CPLX4: variants seen among roughly 807,000 people sequenced by gnomAD.
The protein encoded by CPLX4 is complexin-4.
In CPLX4, 17 loss-of-function variants were observed where a neutral mutation model predicts 16.1. That is an observed-to-expected ratio of 1.06 (90% confidence interval 0.72 to 1.59). The LOEUF is 1.59. Among genes scored for constraint, CPLX4 ranks in the 40% most tolerant of loss-of-function variants. CPLX4 has a pLI of 0.00. For missense variants in CPLX4, 193 were observed against 192.9 expected (o/e 1.00, Z 0.00); for synonymous variants, 55 against 57.8 (o/e 0.95, Z 0.22).
chr18:59,296,695 C>A lies in CPLX4; in HGVS notation c.*3G>T. On this transcript the variant is annotated 3_prime_UTR_variant, in exon 3 of 3. Transcript: ENST00000299721. ...GGTTCCCTCCCTCCACCCCTCCCACCCCTCACATCACGGAACACTTCTGCT... is the reference window on the plus strand; with the variant it reads ...GGTTCCCTCCCTCCACCCCTCCCACACCTCACATCACGGAACACTTCTGCT... 1 of 1,610,452 alleles carries A rather than the reference C, an allele frequency of 6.2e-7. No individual in the cohort carries two copies. The highest frequency in any genetic ancestry group is 1.1e-5 in the South Asian group (1 of 90,600).
At chr18:59,307,268 T>C (rs921437491) in intron 2 of CPLX4, among the ~76,000 whole-genome samples, 18 of 152,204 alleles carry the variant, frequency 1.2e-4, no homozygotes, top group African/African-American at 4.3e-4. Context: ...ACATATGGTA[T>C]GTGCTTTTCC....
At position 59,296,768 on chromosome 18, in the gene CPLX4, A is replaced by G. The variant is rs1478871161; in HGVS notation, c.413T>C (p.Ile138Thr). ...QNLQNMDLDT[I>T]KEKAQATFTE... ...GAAGGTGGCCTGGGCTTTTTCTTTT[A>G]TGGTATCCAAGTCCATGTTCTGGAG... Residue 138 changes from isoleucine to threonine, a missense_variant, in exon 3 of 3, where the codon ATA becomes ACA. Physicochemically the swap from Ile to Thr is moderately conservative, Grantham distance 89. Transcript: ENST00000299721. 3.1e-6 allele frequency: 5 copies of G among 1,597,568 alleles called. No individual in the cohort carries two copies. Among genetic ancestry groups the G allele is most frequent in the Non-Finnish European group, 4.3e-6 (5 of 1,170,478 alleles).
chr18:59,296,414 C>T lies in CPLX4; in HGVS notation c.*284G>A. On this transcript the variant is annotated 3_prime_UTR_variant, in exon 3 of 3. Coordinates refer to ENST00000299721, the MANE Select transcript of CPLX4 (RefSeq NM_181654.4). ...TTGCTTTTGTTTCTTCCTGGCTCATCTCAAGGTCTTTAAGCAGATATGTGT... is the reference window on the plus strand; with the variant it reads ...TTGCTTTTGTTTCTTCCTGGCTCATTTCAAGGTCTTTAAGCAGATATGTGT... 1 of 423,598 alleles carries T rather than the reference C, an allele frequency of 2.4e-6. No homozygotes were observed. The allele number at this position is 423,598 out of a possible 1,614,324, so 26.2% of individuals were successfully genotyped here.
Position 59,296,524 on chromosome 18 carries a change from A to T in CPLX4, c.*174T>A. 1.5e-6 allele frequency: 1 copy of T among 678,260 alleles called. No individual in the cohort carries two copies. The highest frequency in any genetic ancestry group is 2.5e-6 in the Non-Finnish European group (1 of 396,898). The allele number at this position is 678,260 out of a possible 1,614,324, so 42.0% of individuals were successfully genotyped here. On this transcript the variant is annotated 3_prime_UTR_variant, in exon 3 of 3. Transcript: ENST00000299721. The stretch of plus-strand genomic sequence containing the variant: ...AGTAAGGTTCCCGCTGCAAGGTGTT[A>T]GCTAAATGCTCTGCCAGGAATATTT...
intron 2 of CPLX4, among the ~76,000 whole-genome samples, chr18:59,298,573 A>G (rs993164761): frequency 1.1e-4 from 16 of 152,168 alleles, no homozygotes; most frequent in African/African-American, 3.9e-4. Context: ...AACAGACTAC[A>G]TTGCTTTAAG....
At chr18:59,302,747 C>T (rs1476289930) in intron 2 of CPLX4, among the ~76,000 whole-genome samples, 1 of 152,200 alleles carries the variant, frequency 6.6e-6, no homozygotes, top group Non-Finnish European at 1.5e-5. Context: ...TCAAGACTTA[C>T]TACTTCTTGG....
At position 59,312,839 on chromosome 18, in the gene CPLX4, A is replaced by T; in HGVS notation, c.168-67T>A. 5 of 816,046 alleles carry T rather than the reference A, an allele frequency of 6.1e-6. No individual in the cohort carries two copies. The South Asian group carries it at 7.3e-5, about 12-fold the overall frequency. The allele number at this position is 816,046 out of a possible 1,614,324, so 50.6% of individuals were successfully genotyped here. ...TAAGGACATTCCTGCCCGTGCTCAG[A>T]GGAGCCAGACACAGGGTTACACCTT... On this transcript the variant is annotated intron_variant, in intron 1 of 2. Coordinates refer to ENST00000299721, the MANE Select transcript of CPLX4 (RefSeq NM_181654.4).
At chr18:59,314,827 T>G (rs1423944946) in intron 1 of CPLX4, among the ~76,000 whole-genome samples, 1 of 152,264 alleles carries the variant, frequency 6.6e-6, no homozygotes, top group Non-Finnish European at 1.5e-5. Context: ...TTGTTTTATG[T>G]ACTAGTAGCT....
chr18:59,302,159 CTAATGAACCACCCTGCTG>C (rs1456899756), intron 2 of CPLX4, among the ~76,000 whole-genome samples: 5 of 152,218 alleles, frequency 3.3e-5, no homozygotes, highest in African/African-American at 4.8e-5. Context: ...TCCTCTCTTC[CTAATGAACCACCCTGCTG>C]ACAGGACCTT....
At position 59,296,565 on chromosome 18, in the gene CPLX4, T is replaced by C; in HGVS notation, c.*133A>G. The stretch of plus-strand genomic sequence containing the variant: ...AGGAATATTTAGAACAACCAAATTA[T>C]TGTCTGTCAATGGATCATCGTGGTT... On this transcript the variant is annotated 3_prime_UTR_variant, in exon 3 of 3. Coordinates refer to ENST00000299721, the MANE Select transcript of CPLX4 (RefSeq NM_181654.4). 1 of 917,286 alleles carries C rather than the reference T, an allele frequency of 1.1e-6. No homozygotes were observed. The highest frequency in any genetic ancestry group is 2.6e-5 in the East Asian group (1 of 37,754). The allele number at this position is 917,286 out of a possible 1,614,324, so 56.8% of individuals were successfully genotyped here.
intron 2 of CPLX4, among the ~76,000 whole-genome samples, chr18:59,308,955 G>T (rs575460118): frequency 6.6e-6 from 1 of 152,258 alleles, no homozygotes; most frequent in East Asian, 1.9e-4. Context: ...GTTTGCAAGC[G>T]CAAAGTGTTG....
At chr18:59,302,504 G>A (rs925548360) in intron 2 of CPLX4, among the ~76,000 whole-genome samples, 5 of 152,320 alleles carry the variant, frequency 3.3e-5, no homozygotes, top group African/African-American at 7.2e-5. Flanking sequence ...TTCAGAGATC[G>A]TCTCATTTCT....
chr18:59,309,730 G>C (rs867980501), intron 2 of CPLX4, among the ~76,000 whole-genome samples: 1 of 150,272 alleles, frequency 6.7e-6, no homozygotes. Flanking sequence ...GACTGAGGCA[G>C]GAGAATGGGG....
intron 1 of CPLX4, among the ~76,000 whole-genome samples, chr18:59,315,186 T>C (rs971582663): frequency 6.6e-6 from 1 of 152,208 alleles, no homozygotes; most frequent in Non-Finnish European, 1.5e-5. Flanking sequence ...ATATTTAACA[T>C]TTTTTGTCTT....
Position 59,296,526 on chromosome 18 carries a change from C to A in CPLX4, c.*172G>T, listed in dbSNP as rs1204337048. On this transcript the variant is annotated 3_prime_UTR_variant, in exon 3 of 3. Coordinates refer to ENST00000299721, the MANE Select transcript of CPLX4 (RefSeq NM_181654.4). ...TAAGGTTCCCGCTGCAAGGTGTTAG[C>A]TAAATGCTCTGCCAGGAATATTTAG... is the stretch of plus-strand genomic sequence containing the variant. 8 of 692,046 alleles carry A rather than the reference C, an allele frequency of 1.2e-5. No individual in the cohort carries two copies. Among genetic ancestry groups the A allele is most frequent in the Admixed American group, 3.1e-5 (1 of 32,326 alleles). 42.9% of individuals were successfully genotyped at this position (692,046 alleles called of 1,614,324 possible).
chr18:59,303,670 A>T (rs930946370), intron 2 of CPLX4, among the ~76,000 whole-genome samples: 2 of 152,142 alleles, frequency 1.3e-5, no homozygotes, highest in African/African-American at 2.4e-5. Flanking sequence ...AGGCGAAGTG[A>T]TATCTACCTA....
At position 59,309,715 on chromosome 18, in the gene CPLX4, C is replaced by T. The variant is rs528451453; in HGVS notation, c.255+2970G>A. On this transcript the variant is annotated intron_variant, in intron 2 of 2. Transcript: ENST00000299721. ...GTGGGCGCCTGTAGTCCCAGCTACTCGGGAGACTGAGGCAGGAGAATGGGG... is the reference window on the plus strand; with the variant it reads ...GTGGGCGCCTGTAGTCCCAGCTACTTGGGAGACTGAGGCAGGAGAATGGGG... Among the ~76,000 whole-genome samples, 8 of 148,136 alleles carry T rather than the reference C, an allele frequency of 5.4e-5. 1 individual carries two copies. The South Asian group carries it at 1.5e-3, about 28-fold the overall frequency.
intron 1 of CPLX4, among the ~76,000 whole-genome samples, chr18:59,312,998 G>A (rs773843008): frequency 1.6e-4 from 25 of 152,042 alleles, no homozygotes; most frequent in Non-Finnish European, 3.4e-4. Context: ...AGACAATTTG[G>A]TCCTAGGAAT....
At chr18:59,304,210 G>A (rs1228916871) in intron 2 of CPLX4, among the ~76,000 whole-genome samples, 3 of 152,082 alleles carry the variant, frequency 2.0e-5, no homozygotes, top group Non-Finnish European at 2.9e-5. Flanking sequence ...AGCTCAGCAG[G>A]GGTCACAACA....
Sources: allele counts gnomAD v4.1 joint callset (sites outside exome capture counted in the v4.1 genomes callset), GRCh38; gene constraint gnomAD v4.1.1; transcripts MANE v1.5; gene names NCBI Gene and HGNC (gene_info 2026-07-23, HGNC 2026-07-21).